The following CARMIL1 variants were observed in gnomAD, a reference collection of about 807,000 sequenced individuals.
CARMIL1 encodes the protein capping protein regulator and myosin 1 linker 1, also known as F-actin-uncapping protein LRRC16A.
A neutral mutation model predicts 177.1 loss-of-function variants in CARMIL1; 90 were observed. The ratio of observed to expected loss-of-function variants is 0.51; its 90% CI spans 0.43 to 0.61. The LOEUF is 0.61. CARMIL1 is among the 20% of genes least tolerant of loss of function. The probability of loss-of-function intolerance (pLI) is 0.00; values close to 1 mark genes in which losing one functional copy is unlikely to be tolerated. For missense variants in CARMIL1, 1,380 were observed against 1,667.0 expected (o/e 0.83, Z 3.00); for synonymous variants, 577 against 606.2 (o/e 0.95, Z 0.71).
At chr6:25,452,275 G>A (rs1250530009) in intron 8 of CARMIL1, 1 of 760,408 alleles carries the variant, frequency 1.3e-6, no homozygotes, top group African/African-American at 1.7e-5. Flanking sequence ...TATAAGTGAG[G>A]CAACTTTATA....
intron 8 of CARMIL1, among the ~76,000 whole-genome samples, chr6:25,458,615 G>A (rs1343420760): frequency 6.6e-6 from 1 of 151,534 alleles, no homozygotes; most frequent in African/African-American, 2.4e-5. Context: ...CCTCTGTAGA[G>A]TATACCTCTG....
intron 8 of CARMIL1, among the ~76,000 whole-genome samples, chr6:25,455,303 T>C (rs1183173006): frequency 2.6e-5 from 4 of 152,190 alleles, no homozygotes; most frequent in Non-Finnish European, 5.9e-5. Context: ...GCTTTATTTT[T>C]TCATTCCACT....
intron 2 of CARMIL1, among the ~76,000 whole-genome samples, chr6:25,403,357 G>A (rs1196002612): frequency 2.6e-5 from 4 of 152,088 alleles, no homozygotes; most frequent in African/African-American, 7.2e-5. Context: ...TCTCTCACAA[G>A]CTATTGCCGT....
At chr6:25,619,301 A>G in intron 36 of CARMIL1, 146 bp from the exon 37 acceptor site, 3 of 667,666 alleles carry the variant, frequency 4.5e-6, no homozygotes, top group Admixed American at 6.4e-5. Context: ...GTCTCTAAAC[A>G]TAATAGCAAG....
intron 2 of CARMIL1, among the ~76,000 whole-genome samples, chr6:25,303,508 G>A (rs1265814537): frequency 2.6e-5 from 4 of 152,170 alleles, no homozygotes; most frequent in African/African-American, 9.7e-5. Flanking sequence ...ACTTAAACAA[G>A]TTTCTCCATT....
Position 25,500,156 on chromosome 6 carries a change from C to T in CARMIL1, c.1326-10C>T, listed in dbSNP as rs1246142264. ...AATGTGTATCTAATATGTGTGTTTC[C>T]TCCCCTCAGAGCACTGTTATTGGGC... On this transcript the variant is annotated splice_polypyrimidine_tract_variant and intron_variant, in intron 16 of 36. Coordinates refer to ENST00000329474, the MANE Select transcript of CARMIL1 (RefSeq NM_017640.6). 6.2e-7 allele frequency: 1 copy of T among 1,613,144 alleles called. No homozygotes were observed. The highest frequency in any genetic ancestry group is 2.2e-5 in the East Asian group (1 of 44,878).
chr6:25,446,062 AG>A (rs1382936026), intron 5 of CARMIL1, among the ~76,000 whole-genome samples: 1 of 152,160 alleles, frequency 6.6e-6, no homozygotes, highest in Non-Finnish European at 1.5e-5. Context: ...GCTATCACCC[AG>A]GCTTTCTTGT....
chr6:25,509,592 A>AT lies in CARMIL1; in HGVS notation c.1396-58dup. Reference sequence around the variant, plus strand: ...AGACTGACTGTCTCTCCTATTTTTAATTTTTTGATTACATCTCCAGTAGAG... The same window carrying AT: ...AGACTGACTGTCTCTCCTATTTTTAATTTTTTTGATTACATCTCCAGTAGAG... On this transcript the variant is annotated intron_variant, in intron 17 of 36. Coordinates refer to ENST00000329474, the MANE Select transcript of CARMIL1 (RefSeq NM_017640.6). This position sits in a 1 kb window ranked among gnomAD's most constrained non-coding sequence, Gnocchi z 4.1. 9.2e-7 allele frequency: 1 copy of AT among 1,081,738 alleles called. No homozygotes were observed. 67.0% of individuals were successfully genotyped at this position (1,081,738 alleles called of 1,614,324 possible). A position where few individuals can be genotyped will look rare whatever the true frequency, so the allele number is the denominator to read the frequency against.
intron 2 of CARMIL1, among the ~76,000 whole-genome samples, chr6:25,339,085 T>C (rs1786617738): frequency 7.1e-6 from 1 of 141,162 alleles, no homozygotes; most frequent in African/African-American, 3.2e-5. Flanking sequence ...TAAAATAAAT[T>C]AAAATGACCA....
At chr6:25,336,536 A>G (rs976524173) in intron 2 of CARMIL1, among the ~76,000 whole-genome samples, 12 of 152,194 alleles carry the variant, frequency 7.9e-5, no homozygotes, top group African/African-American at 2.7e-4. Flanking sequence ...TTCAGCTCTC[A>G]TCTCTAATTA....
chr6:25,493,560 C>T (rs1313003042), intron 15 of CARMIL1, among the ~76,000 whole-genome samples: 1 of 152,140 alleles, frequency 6.6e-6, no homozygotes, highest in Non-Finnish European at 1.5e-5. Flanking sequence ...GAGCAGCCTC[C>T]TATCTAGAAC....
Position 25,315,067 on chromosome 6 carries a change from G to A in CARMIL1, c.138+30158G>A, listed in dbSNP as rs974624848. On this transcript the variant is annotated intron_variant, in intron 2 of 36. Transcript: ENST00000329474. ...TGTATTATCTGTTTTAATCCTCACA[G>A]TAACTGTGTGAAGCGGGTCCTAATT... Among the ~76,000 whole-genome samples the A allele has an allele frequency of 1.7e-4, 26 of 152,334 alleles. No homozygotes were observed. In the East Asian group the frequency reaches 3.7e-3, roughly 21 times the overall value.
chr6:25,458,042 A>G (rs1170524370), intron 8 of CARMIL1, among the ~76,000 whole-genome samples: 1 of 152,122 alleles, frequency 6.6e-6, no homozygotes, highest in Non-Finnish European at 1.5e-5. Context: ...GAGGGAAATT[A>G]GTACTGATAA....
chr6:25,440,692 T>C (rs1458066671), intron 5 of CARMIL1, among the ~76,000 whole-genome samples: 1 of 152,188 alleles, frequency 6.6e-6, no homozygotes, highest in South Asian at 2.1e-4. Context: ...TTTGTTTATA[T>C]AAATAATGCA....
At chr6:25,333,055 G>A (rs1462940612) in intron 2 of CARMIL1, among the ~76,000 whole-genome samples, 2 of 152,134 alleles carry the variant, frequency 1.3e-5, no homozygotes, top group Non-Finnish European at 2.9e-5. Context: ...TTCCTGCTAC[G>A]TGGAGGAAGT....
In CARMIL1 at chr6:25,606,174, A is replaced by G; in HGVS notation, c.3748A>G (p.Ser1250Gly). 6.2e-7 allele frequency: 1 copy of G among 1,613,988 alleles called. No individual in the cohort carries two copies. The highest frequency in any genetic ancestry group is 8.5e-7 in the Non-Finnish European group (1 of 1,179,896). The change falls in exon 35 of 37, where the codon AGC (serine) becomes GGC (glycine). Residue 1250 changes from serine to glycine, a missense_variant. Coordinates refer to ENST00000329474, the MANE Select transcript of CARMIL1 (RefSeq NM_017640.6). The stretch of plus-strand genomic sequence containing the variant: ...AGGCTCCAGGTCTCGGAGCTCATCC[A>G]GCACACCTACGAGCCCGAAGCCCCT... ...EAGSRSRSSSSTPTSPKPLLQ... is the reference protein window; with the variant it reads ...EAGSRSRSSSGTPTSPKPLLQ...
intron 8 of CARMIL1, chr6:25,452,256 CCTT>C (rs770243308): frequency 3.9e-6 from 3 of 762,740 alleles, no homozygotes; most frequent in Middle Eastern, 3.2e-4. Context: ...GAGCAGTTCT[CCTT>C]CTTCCTATAA....
chr6:25,584,026 C>CTTTTTTTTTTTTTTT (rs71544648), intron 31 of CARMIL1, among the ~76,000 whole-genome samples: 3 of 119,140 alleles, frequency 2.5e-5, no homozygotes, highest in Non-Finnish European at 3.5e-5. Flanking sequence ...TTTTCTTTTT[C>CTTTTTTTTTTTTTTT]TTTTTTTTTT....
At chr6:25,340,811 T>G (rs1188996414) in intron 2 of CARMIL1, among the ~76,000 whole-genome samples, 4 of 137,216 alleles carry the variant, frequency 2.9e-5, no homozygotes. Context: ...TTTTAAGTCG[T>G]GTAAGAATTG....
Sources: allele counts gnomAD v4.1 joint callset (sites outside exome capture counted in the v4.1 genomes callset), GRCh38; gene constraint gnomAD v4.1.1; non-coding constraint Gnocchi (gnomAD v3.1); transcripts MANE v1.5; gene names NCBI Gene and HGNC (gene_info 2026-07-23, HGNC 2026-07-21).